The following SDK1 variants were observed in gnomAD, a reference collection of about 807,000 sequenced individuals.
SDK1 encodes protein sidekick-1.
SDK1 carries 157 observed loss-of-function variants against 245.5 expected under a neutral mutation model. The ratio of observed to expected loss-of-function variants is 0.64; its 90% CI spans 0.56 to 0.73. The LOEUF (loss-of-function observed/expected upper bound fraction) is 0.73, where lower values mean the gene tolerates loss of function less well. Ranked by LOEUF, SDK1 falls within the 30% of genes least tolerant of loss-of-function variation. The pLI is 0.00. For missense variants in SDK1, 3,583 were observed against 3,002.3 expected (o/e 1.19, Z -4.52); for synonymous variants, 1,647 against 1,278.5 (o/e 1.29, Z -6.15).
At chr7:3,553,160 C>T (rs375967991) in intron 1 of SDK1, among the ~76,000 whole-genome samples, 7 of 152,076 alleles carry the variant, frequency 4.6e-5, no homozygotes, top group African/African-American at 9.6e-5. Context: ...TATTGTACAA[C>T]AATAGCTGAC....
chr7:3,313,664 C>T (rs906680139), intron 1 of SDK1, among the ~76,000 whole-genome samples: 5 of 152,094 alleles, frequency 3.3e-5, no homozygotes, highest in African/African-American at 1.2e-4. Flanking sequence ...AGAGTGTAAG[C>T]AGTAGGGACG....
intron 5 of SDK1, among the ~76,000 whole-genome samples, chr7:3,907,196 A>T (rs1284695518): frequency 6.6e-6 from 1 of 152,204 alleles, no homozygotes; most frequent in Non-Finnish European, 1.5e-5. Context: ...AGCATTAATT[A>T]CATGCACATT....
At chr7:3,322,566 G>A (rs1055655245) in intron 1 of SDK1, among the ~76,000 whole-genome samples, 9 of 152,166 alleles carry the variant, frequency 5.9e-5, no homozygotes, top group African/African-American at 2.2e-4. Context: ...CTCTCCCACA[G>A]TGGAAATGGA....
intron 1 of SDK1, among the ~76,000 whole-genome samples, chr7:3,496,539 A>G (rs1011396491): frequency 2.0e-5 from 3 of 152,102 alleles, no homozygotes; most frequent in Non-Finnish European, 1.5e-5. Context: ...TACAGGGAAA[A>G]TCATATTCTT....
intron 35 of SDK1, among the ~76,000 whole-genome samples, chr7:4,189,583 C>G (rs55660257): frequency 0.077 from 11,676 of 152,254 alleles, 756 homozygotes; most frequent in African/African-American, 0.17. Flanking sequence ...GGCATGGTGG[C>G]TCATGCCTGT....
At chr7:3,674,598 T>C (rs1783830704) in intron 4 of SDK1, among the ~76,000 whole-genome samples, 1 of 152,032 alleles carries the variant, frequency 6.6e-6, no homozygotes, top group Non-Finnish European at 1.5e-5. Context: ...ATACAGGAGA[T>C]GAGGGATGAA....
intron 13 of SDK1, among the ~76,000 whole-genome samples, chr7:3,982,696 C>T (rs1051351708): frequency 4.6e-5 from 7 of 152,010 alleles, no homozygotes; most frequent in South Asian, 2.1e-4. Context: ...AAAAATTAGC[C>T]GGGCTTGGTG....
intron 1 of SDK1, among the ~76,000 whole-genome samples, chr7:3,447,761 A>T: frequency 7.1e-6 from 1 of 141,550 alleles, no homozygotes; most frequent in East Asian, 2.1e-4. Flanking sequence ...CTGGAGTGCA[A>T]TGGCATGATC....
At chr7:3,797,279 G>A (rs767133257) in intron 4 of SDK1, among the ~76,000 whole-genome samples, 5 of 152,106 alleles carry the variant, frequency 3.3e-5, no homozygotes, top group South Asian at 2.1e-4. Context: ...TGCCACACCC[G>A]TCCCATATAT....
At chr7:3,321,828 CCTCCTTT>C (rs1779820670) in intron 1 of SDK1, among the ~76,000 whole-genome samples, 1 of 122,768 alleles carries the variant, frequency 8.1e-6, no homozygotes, top group African/African-American at 3.8e-5. Context: ...TTCCTTCCTT[CCTCCTTT>C]TCTCTCTCTC....
intron 30 of SDK1, among the ~76,000 whole-genome samples, chr7:4,151,487 A>G (rs969481486): frequency 6.6e-6 from 1 of 152,162 alleles, no homozygotes; most frequent in Non-Finnish European, 1.5e-5. Context: ...TTCCGTCCCC[A>G]CAACTGTGGT....
At chr7:3,488,813 C>T (rs1414063856) in intron 1 of SDK1, among the ~76,000 whole-genome samples, 1 of 152,090 alleles carries the variant, frequency 6.6e-6, no homozygotes, top group East Asian at 1.9e-4. Flanking sequence ...GTCTCATAGG[C>T]TGGCTGTCCT....
At chr7:4,081,812 A>G (rs1244172631) in intron 22 of SDK1, among the ~76,000 whole-genome samples, 13 of 152,304 alleles carry the variant, frequency 8.5e-5, no homozygotes, top group East Asian at 1.9e-4. Flanking sequence ...GCAAAAGTCA[A>G]TGATCCTCAA....
intron 40 of SDK1, among the ~76,000 whole-genome samples, chr7:4,229,548 C>A (rs888313459): frequency 2.6e-5 from 4 of 152,008 alleles, no homozygotes; most frequent in Admixed American, 1.3e-4. Context: ...TAAAATGTGG[C>A]CTTTAGGTGA....
intron 5 of SDK1, among the ~76,000 whole-genome samples, chr7:3,895,961 A>G (rs919779947): frequency 1.3e-5 from 2 of 152,198 alleles, no homozygotes; most frequent in Non-Finnish European, 2.9e-5. Flanking sequence ...GCATGATTTC[A>G]ATCCTTTTAA....
intron 4 of SDK1, among the ~76,000 whole-genome samples, chr7:3,728,724 G>C (rs985130365): frequency 3.3e-5 from 5 of 152,122 alleles, no homozygotes; most frequent in African/African-American, 1.2e-4. Context: ...TCCTGCCTCA[G>C]CCTCCCAAGT....
At chr7:3,805,801 A>G (rs1282905314) in intron 4 of SDK1, among the ~76,000 whole-genome samples, 3 of 152,194 alleles carry the variant, frequency 2.0e-5, no homozygotes, top group African/African-American at 7.2e-5. Flanking sequence ...AAATATTGTC[A>G]AGGCAATTCA....
intron 2 of SDK1, among the ~76,000 whole-genome samples, chr7:3,624,740 T>G (rs894663986): frequency 3.9e-5 from 6 of 152,074 alleles, no homozygotes; most frequent in Admixed American, 3.9e-4. Context: ...CAGACCATTA[T>G]ATTTATAAAA....
intron 4 of SDK1, among the ~76,000 whole-genome samples, chr7:3,656,061 A>C (rs944123501): frequency 3.9e-5 from 6 of 152,208 alleles, no homozygotes; most frequent in Admixed American, 3.9e-4. Context: ...CCAATTGTCT[A>C]CATGAGCACA....
Sources: gnomAD v4.1 joint callset for allele counts (sites outside exome capture counted in the v4.1 genomes callset) on GRCh38, gnomAD v4.1.1 for gene constraint, MANE v1.5 for transcripts, NCBI Gene and HGNC (gene_info 2026-07-23, HGNC 2026-07-21) for gene names.